The following USP12 variants were observed in gnomAD, a reference collection of about 807,000 sequenced individuals.
USP12 encodes the protein ubiquitin specific peptidase 12.
USP12 carries 19 observed loss-of-function variants against 45.5 expected under a neutral mutation model. That is an observed-to-expected ratio of 0.42 (90% CI 0.29 to 0.61). The LOEUF is 0.61. Ranked by LOEUF, USP12 falls within the 20% of genes least tolerant of loss-of-function variation. The pLI is 0.22. For synonymous variants in USP12, 149 were observed against 148.8 expected, an observed-to-expected ratio of 1.00 and a Z score of -0.01; for missense variants, 242 against 447.7, an observed-to-expected ratio of 0.54 and a Z score of 4.15.
chr13:27,104,284 G>T (rs756036629), intron 3 of USP12, among the ~76,000 whole-genome samples: 3 of 152,104 alleles, frequency 2.0e-5, no homozygotes, highest in African/African-American at 4.8e-5. Context: ...ACCTACCTTG[G>T]CCTCCCAAAG....
intron 6 of USP12, among the ~76,000 whole-genome samples, chr13:27,086,191 A>ATATATATATATATATATAT (rs1555233222): frequency 1.4e-5 from 1 of 72,568 alleles, no homozygotes; most frequent in African/African-American, 4.9e-5. Context: ...AAAAAAAAAA[A>ATATATATATATATATATAT]AAAAAAATAT....
intron 6 of USP12, among the ~76,000 whole-genome samples, chr13:27,075,780 A>G (rs981811526): frequency 6.6e-6 from 1 of 152,180 alleles, no homozygotes; most frequent in Non-Finnish European, 1.5e-5. Context: ...CTGTAATCCC[A>G]ACACTTTGGG....
rs1873434689 is a variant in USP12, at chr13:27,075,463, T to C, written c.735-75A>G. 6 of 1,323,678 alleles carry C rather than the reference T, an allele frequency of 4.5e-6. No homozygotes were observed. In the South Asian group the frequency reaches 8.3e-5, roughly 18 times the overall value. 82.0% of individuals were successfully genotyped at this position (1,323,678 alleles called of 1,614,324 possible). On this transcript the variant is annotated intron_variant, in intron 6 of 8. Transcript: ENST00000282344. ...GTCCTTGAATTATCAAACTTTACGA[T>C]ATCCAATGAACAGATAGACAATGGT...
At chr13:27,079,289 T>C (rs1873641678) in intron 6 of USP12, among the ~76,000 whole-genome samples, 1 of 150,946 alleles carries the variant, frequency 6.6e-6, no homozygotes, top group Non-Finnish European at 1.5e-5. Context: ...CCAGGAAGAG[T>C]GGCTTCAGCT....
At chr13:27,101,341 A>AT (rs1343682991) in intron 3 of USP12, among the ~76,000 whole-genome samples, 1 of 152,246 alleles carries the variant, frequency 6.6e-6, no homozygotes, top group Admixed American at 6.5e-5. Flanking sequence ...ATTATATTTA[A>AT]TTTTTAAAAC....
chr13:27,092,562 C>A (rs944912939), intron 4 of USP12, among the ~76,000 whole-genome samples: 4 of 152,172 alleles, frequency 2.6e-5, no homozygotes, highest in African/African-American at 9.7e-5. Flanking sequence ...AATACACTCA[C>A]ACAAATAAGA....
At chr13:27,147,847 T>C (rs1014356697) in intron 1 of USP12, among the ~76,000 whole-genome samples, 5 of 152,122 alleles carry the variant, frequency 3.3e-5, no homozygotes, top group African/African-American at 9.7e-5. Flanking sequence ...GACTTTCCCA[T>C]AAGGGCATGG....
chr13:27,141,100 C>T (rs1877032430), intron 1 of USP12, among the ~76,000 whole-genome samples: 1 of 148,046 alleles, frequency 6.8e-6, no homozygotes, highest in African/African-American at 2.5e-5. Flanking sequence ...ATTGCAACAA[C>T]CTCCTCCCAG....
At chr13:27,132,379 T>A (rs988857838) in intron 1 of USP12, among the ~76,000 whole-genome samples, 4 of 151,752 alleles carry the variant, frequency 2.6e-5, no homozygotes, top group Admixed American at 1.3e-4. Context: ...ATGTATAGGT[T>A]ACTAGCAAAA....
chr13:27,091,817 G>A (rs1402492130), intron 4 of USP12, among the ~76,000 whole-genome samples: 2 of 152,104 alleles, frequency 1.3e-5, no homozygotes, highest in Non-Finnish European at 1.5e-5. Flanking sequence ...ACCAGAAAAG[G>A]GTGTTATAGA....
intron 6 of USP12, among the ~76,000 whole-genome samples, chr13:27,086,190 AAAAAAAAATATAT>A (rs1277745307): frequency 3.6e-5 from 3 of 82,564 alleles, no homozygotes; most frequent in African/African-American, 1.3e-4. Context: ...AAAAAAAAAA[AAAAAAAAATATAT>A]ATATATATAT....
At chr13:27,150,613 C>T (rs903011922) in intron 1 of USP12, among the ~76,000 whole-genome samples, 1 of 152,108 alleles carries the variant, frequency 6.6e-6, no homozygotes, top group African/African-American at 2.4e-5. Flanking sequence ...GAGGTCGGAC[C>T]CAGTGGCTCA....
chr13:27,171,540 C>A (rs1398768879), intron 1 of USP12, 52 bp downstream of exon 1: 3 of 1,139,204 alleles, frequency 2.6e-6, no homozygotes, highest in South Asian at 1.8e-5. Flanking sequence ...CAGCGCCGCC[C>A]GCCCGCCCGA....
intron 1 of USP12, among the ~76,000 whole-genome samples, chr13:27,151,035 A>C (rs1593210203): frequency 1.3e-5 from 2 of 152,150 alleles, no homozygotes; most frequent in East Asian, 3.8e-4. Context: ...GAACGACAAA[A>C]GAAAAAAATC....
chr13:27,148,676 T>TTATACA (rs1877422018), intron 1 of USP12, among the ~76,000 whole-genome samples: 1 of 139,448 alleles, frequency 7.2e-6, no homozygotes, highest in Non-Finnish European at 1.5e-5. Flanking sequence ...AAAAAAAAAA[T>TTATACA]TATATATATA....
rs779888952 is a variant in USP12, at chr13:27,147,326, G to A, written c.48+24266C>T. Among the ~76,000 whole-genome samples the A allele has an allele frequency of 1.8e-4, 28 of 152,048 alleles. 1 individual carries two copies. Among genetic ancestry groups the A allele is most frequent in the Non-Finnish European group, 3.7e-4 (25 of 68,002 alleles). ...GCATATCGCCATTTTATTTTAGTTT[G>A]TTTCCAATTTAGTTACGAATGTCTT... On this transcript the variant is annotated intron_variant, in intron 1 of 8. Transcript: ENST00000282344.
chr13:27,150,250 T>C (rs761082428), intron 1 of USP12, among the ~76,000 whole-genome samples: 2 of 152,102 alleles, frequency 1.3e-5, no homozygotes, highest in Middle Eastern at 3.4e-3. Flanking sequence ...AAGCAAAAAA[T>C]TGTATTTATA....
intron 1 of USP12, among the ~76,000 whole-genome samples, chr13:27,152,525 C>T (rs1877617664): frequency 6.6e-6 from 1 of 152,024 alleles, no homozygotes; most frequent in Non-Finnish European, 1.5e-5. Flanking sequence ...TATAAAGTAT[C>T]GTTCAAGATG....
At chr13:27,085,938 G>A (rs1873989537) in intron 6 of USP12, among the ~76,000 whole-genome samples, 1 of 151,962 alleles carries the variant, frequency 6.6e-6, no homozygotes, top group Admixed American at 6.6e-5. Flanking sequence ...GGCTGAGGCA[G>A]GAGGACTGCT....
Sources: gnomAD v4.1 joint callset for allele counts (sites outside exome capture counted in the v4.1 genomes callset) on GRCh38, gnomAD v4.1.1 for gene constraint, MANE v1.5 for transcripts, NCBI Gene and HGNC (gene_info 2026-07-23, HGNC 2026-07-21) for gene names.